USP46: variants seen among roughly 807,000 people sequenced by gnomAD.
USP46 encodes the protein ubiquitin carboxyl-terminal hydrolase 46.
In USP46, 12 loss-of-function variants were observed where a neutral mutation model predicts 44.4. The ratio of observed to expected loss-of-function variants is 0.27; its 90% CI spans 0.17 to 0.44. The LOEUF is 0.44. Ranked by LOEUF, USP46 falls within the 20% of genes least tolerant of loss-of-function variation. The pLI, the probability that USP46 is intolerant of heterozygous loss-of-function variation, is 1.00. For synonymous variants in USP46, 155 were observed against 161.5 expected (o/e 0.96, Z 0.31); for missense variants, 248 against 444.8 (o/e 0.56, Z 3.98).
intron 4 of USP46, among the ~76,000 whole-genome samples, chr4:52,618,382 C>A (rs1212798233): frequency 6.6e-6 from 1 of 151,886 alleles, no homozygotes; most frequent in Non-Finnish European, 1.5e-5. Flanking sequence ...TCCAGCTATT[C>A]GGGAGGCTAA....
chr4:52,641,778 T>C (rs10000311), intron 1 of USP46, among the ~76,000 whole-genome samples: 1,793 of 152,320 alleles, frequency 0.012, 26 homozygotes, highest in East Asian at 0.051. Context: ...AGGCACCTCA[T>C]TTATCTGCAT....
At position 52,593,818 on chromosome 4, in the gene USP46, T is replaced by C. The variant is rs1716122329; in HGVS notation, c.*3822A>G. 2 of 152,374 alleles carry C rather than the reference T, an allele frequency of 1.3e-5. No homozygotes were observed. The highest frequency in any genetic ancestry group is 1.3e-4 in the Admixed American group (2 of 15,310). 9.4% of individuals were successfully genotyped at this position (152,374 alleles called of 1,614,324 possible). A position where few individuals can be genotyped will look rare whatever the true frequency, so the allele number is the denominator to read the frequency against. On this transcript the variant is annotated 3_prime_UTR_variant, in exon 9 of 9. Transcript: ENST00000441222. ...CATAACTGGTTAAAAGGATTTTATA[T>C]GCAAAGTCCCCAAAAATAAATTCAC... is the stretch of plus-strand genomic sequence containing the variant.
intron 4 of USP46, among the ~76,000 whole-genome samples, chr4:52,610,840 C>T (rs1042313888): frequency 6.6e-6 from 1 of 152,192 alleles, no homozygotes; most frequent in Non-Finnish European, 1.5e-5. Context: ...TTTTGACTCA[C>T]AGCTTTTAAT....
chr4:52,643,505 G>A (rs1718427203), intron 1 of USP46, among the ~76,000 whole-genome samples: 1 of 152,180 alleles, frequency 6.6e-6, no homozygotes, highest in African/African-American at 2.4e-5. Context: ...GGCCCACAAA[G>A]TCTAAAGCAT....
At chr4:52,638,161 T>A (rs889654355) in intron 1 of USP46, among the ~76,000 whole-genome samples, 9 of 152,164 alleles carry the variant, frequency 5.9e-5, no homozygotes, top group African/African-American at 2.2e-4. Flanking sequence ...TCTTGGATTA[T>A]CCCAGGAGAC....
rs1332392795 is a variant in USP46 at position 52,592,224 on chromosome 4, C to A, written c.*5416G>T. ...ATAAGAGGGACCCAATCTGTGTCAC[C>A]TTTTTATCCCCCAGCTCCTATCACA... On this transcript the variant is annotated 3_prime_UTR_variant, in exon 9 of 9. Coordinates refer to ENST00000441222, the MANE Select transcript of USP46 (RefSeq NM_022832.4). 1 of 152,160 alleles carries A rather than the reference C, an allele frequency of 6.6e-6. No individual in the cohort carries two copies. The highest frequency in any genetic ancestry group is 1.5e-5 in the Non-Finnish European group (1 of 68,028). The allele number at this position is 152,160 out of a possible 1,614,324, so 9.4% of individuals were successfully genotyped here.
chr4:52,628,271 T>G, intron 2 of USP46, 108 bp from the exon 3 acceptor site: 2 of 1,073,472 alleles, frequency 1.9e-6, no homozygotes, highest in Non-Finnish European at 2.7e-6. Flanking sequence ...GGCCTGGATG[T>G]CCCTGTATTG....
At chr4:52,651,872 A>G (rs1040493338) in intron 1 of USP46, among the ~76,000 whole-genome samples, 2 of 152,186 alleles carry the variant, frequency 1.3e-5, no homozygotes, top group African/African-American at 2.4e-5. Flanking sequence ...GTATCTTCTC[A>G]GTGCTACTCT....
chr4:52,597,767 C>T, intron 8 of USP46, 26 bp from the exon 9 acceptor site: 1 of 1,475,056 alleles, frequency 6.8e-7, no homozygotes, highest in Non-Finnish European at 9.3e-7. Context: ...AAGAAAACAA[C>T]ACAATTACTT....
chr4:52,629,900 T>C (rs1717748877), intron 2 of USP46, among the ~76,000 whole-genome samples: 1 of 152,136 alleles, frequency 6.6e-6, no homozygotes, highest in South Asian at 2.1e-4. Context: ...CAGGCAGAAT[T>C]CAAACCGAGG....
rs1717656966 is a variant in USP46, at chr4:52,627,978, C to T, written c.303G>A (p.Lys101=). The change falls in exon 3 of 9, where the codon AAG becomes AAA. Residue 101 remains lysine (K), a synonymous_variant. Transcript: ENST00000441222. ...KKKVGVIPPK[K]FISRLRKEND... ...TCTCTTTTCTCAGCCTTGAAATGAA[C>T]TTCTTTGGTGGGATGACGCCAACCT... is the stretch of plus-strand genomic sequence containing the variant. 3 of 1,613,668 alleles carry T rather than the reference C, an allele frequency of 1.9e-6. No homozygotes were observed. The South Asian group carries it at 3.3e-5, about 18-fold the overall frequency.
chr4:52,632,990 A>AAAGAAAAGAAAAAAAG, intron 1 of USP46, among the ~76,000 whole-genome samples: 3 of 66,290 alleles, frequency 4.5e-5, no homozygotes, highest in Non-Finnish European at 6.1e-5. Flanking sequence ...GAAAGAAAAG[A>AAAGAAAAGAAAAAAAG]AAAGAAAGAA....
At chr4:52,607,574 C>G (rs897309493) in intron 5 of USP46, among the ~76,000 whole-genome samples, 7 of 152,130 alleles carry the variant, frequency 4.6e-5, no homozygotes, top group African/African-American at 1.7e-4. Context: ...GGATCTGTGT[C>G]CCCACCCAAA....
rs1577648202 is a variant in USP46 at position 52,592,016 on chromosome 4, G to C, written c.*5624C>G. 4 of 152,302 alleles carry C rather than the reference G, an allele frequency of 2.6e-5. No individual in the cohort carries two copies. In the East Asian group the frequency reaches 7.7e-4, roughly 29 times the overall value. 9.4% of individuals were successfully genotyped at this position (152,302 alleles called of 1,614,324 possible). A position where few individuals can be genotyped will look rare whatever the true frequency, so the allele number is the denominator to read the frequency against. ...CTAGAAGGCAGGCTGGGAAGAGTGT[G>C]GGGCTCCCAGGAAAAAAGATGGTGT... On this transcript the variant is annotated 3_prime_UTR_variant, in exon 9 of 9. Transcript: ENST00000441222.
chr4:52,602,950 C>CAGTT, intron 6 of USP46, among the ~76,000 whole-genome samples: 2 of 152,296 alleles, frequency 1.3e-5, no homozygotes, highest in East Asian at 3.9e-4. Flanking sequence ...GAGGGTCTTC[C>CAGTT]AGTTACCTTC....
chr4:52,639,721 G>T (rs1026279537), intron 1 of USP46, among the ~76,000 whole-genome samples: 5 of 151,934 alleles, frequency 3.3e-5, no homozygotes, highest in African/African-American at 1.2e-4. Flanking sequence ...TTTTCAGACA[G>T]GTTCTCACTC....
rs115119057 is a variant in USP46 at position 52,658,284 on chromosome 4, A to G, written c.36+831T>C. 2.0e-3 allele frequency: 912 copies of G among 456,284 alleles called. 1 individual carries two copies. Among genetic ancestry groups the G allele is most frequent in the Non-Finnish European group, 3.5e-3 (794 of 226,952 alleles). 28.3% of individuals were successfully genotyped at this position (456,284 alleles called of 1,614,324 possible). ...GACCCAAGGGCTGGAGGTTCTTCCT[A>G]CAGAAAAAGGGAAAGCAATGGGGGA... On this transcript the variant is annotated intron_variant, in intron 1 of 8. Coordinates refer to ENST00000441222, the MANE Select transcript of USP46 (RefSeq NM_022832.4).
intron 1 of USP46, among the ~76,000 whole-genome samples, chr4:52,632,902 AAGAGAAAGAAAGAAAGAG>A (rs1560405671): frequency 1.0e-4 from 12 of 115,042 alleles, no homozygotes; most frequent in African/African-American, 3.9e-4. Context: ...AAGGAAGGGA[AAGAGAAAGAAAGAAAGAG>A]AAAGAAAGAA....
At chr4:52,621,361 A>C (rs1025772438) in intron 4 of USP46, among the ~76,000 whole-genome samples, 1 of 152,012 alleles carries the variant, frequency 6.6e-6, no homozygotes, top group African/African-American at 2.4e-5. Context: ...AACATTAGAA[A>C]CTCTATTAAT....
Sources: allele counts gnomAD v4.1 joint callset (sites outside exome capture counted in the v4.1 genomes callset), GRCh38; gene constraint gnomAD v4.1.1; transcripts MANE v1.5; gene names NCBI Gene and HGNC (gene_info 2026-07-23, HGNC 2026-07-21).